DPP10: variants seen among roughly 807,000 people sequenced by gnomAD.
DPP10 encodes inactive dipeptidyl peptidase 10.
Under a neutral mutation model 120.9 loss-of-function variants are expected in DPP10, and 33 were observed. The observed-to-expected ratio is 0.27, with a 90% CI of 0.21 to 0.37. DPP10 has a LOEUF of 0.37. DPP10 is among the 10% of genes least tolerant of loss of function. The probability of loss-of-function intolerance (pLI) is 1.00; values close to 1 mark genes in which losing one functional copy is unlikely to be tolerated. For missense variants in DPP10, 816 were observed against 942.8 expected (o/e 0.87, Z 1.76); for synonymous variants, 337 against 326.1 (o/e 1.03, Z -0.36).
chr2:114,666,463 G>C (rs1220326716), intron 1 of DPP10, among the ~76,000 whole-genome samples: 1 of 152,094 alleles, frequency 6.6e-6, no homozygotes, highest in Non-Finnish European at 1.5e-5. Context: ...AAAACATGAA[G>C]ACCTAGACCT....
At chr2:114,986,734 A>C (rs141481726) in intron 1 of DPP10, among the ~76,000 whole-genome samples, 38 of 152,314 alleles carry the variant, frequency 2.5e-4, no homozygotes, top group Admixed American at 1.6e-3. Flanking sequence ...AAGGCTAACA[A>C]TGAATTTTAC....
At chr2:114,526,196 T>C (rs913014386) in intron 1 of DPP10, among the ~76,000 whole-genome samples, 9 of 152,214 alleles carry the variant, frequency 5.9e-5, no homozygotes, top group African/African-American at 2.2e-4. Context: ...GCTGACCTAA[T>C]GGGCTTGAAG....
At chr2:115,836,068 A>G (rs1689457693) in intron 21 of DPP10, 89 bp from the exon 22 acceptor site, 2 of 639,976 alleles carry the variant, frequency 3.1e-6, no homozygotes, top group Non-Finnish European at 4.6e-6. Context: ...GTCTCCAGGC[A>G]TAGTTGTTAT....
At chr2:115,295,173 G>A (rs2060830143) in intron 1 of DPP10, among the ~76,000 whole-genome samples, 1 of 151,968 alleles carries the variant, frequency 6.6e-6, no homozygotes, top group Admixed American at 6.6e-5. Flanking sequence ...AGACTAGGGG[G>A]AAGAAAAGGC....
At chr2:115,698,704 C>T (rs948700717) in intron 7 of DPP10, among the ~76,000 whole-genome samples, 1 of 152,106 alleles carries the variant, frequency 6.6e-6, no homozygotes, top group Admixed American at 6.5e-5. Context: ...AAAACTGAAA[C>T]ATGTTGGAAC....
rs565227385 is a variant in DPP10 at position 115,660,188 on chromosome 2, G to A, written c.442-29499G>A. 1.1e-4 allele frequency among the ~76,000 whole-genome samples: 16 copies of A among 152,198 alleles called. No individual in the cohort carries two copies. The South Asian group carries it at 2.1e-3, about 20-fold the overall frequency. ...ATGGAATGAGATGTCTGTTTATTAC[G>A]TTTACAGCCACATTACAGATCTATT... On this transcript the variant is annotated intron_variant, in intron 5 of 25. Coordinates refer to ENST00000410059, the MANE Select transcript of DPP10 (RefSeq NM_020868.6).
At chr2:114,464,770 C>T (rs369214173) in intron 1 of DPP10, among the ~76,000 whole-genome samples, 102 of 152,180 alleles carry the variant, frequency 6.7e-4, no homozygotes, top group South Asian at 4.4e-3. Flanking sequence ...GAGTCTGAGG[C>T]GGGAGAATCG....
chr2:114,623,469 C>T (rs1374250936), intron 1 of DPP10, among the ~76,000 whole-genome samples: 1 of 152,066 alleles, frequency 6.6e-6, no homozygotes, highest in Non-Finnish European at 1.5e-5. Flanking sequence ...TTGAGGTCAA[C>T]CAAGATGCAC....
intron 1 of DPP10, among the ~76,000 whole-genome samples, chr2:115,098,203 CTG>C (rs2048496074): frequency 2.6e-5 from 4 of 152,142 alleles, no homozygotes; most frequent in Admixed American, 1.3e-4. Flanking sequence ...AAGGCTCTGA[CTG>C]AGAGCTTTCA....
At chr2:114,951,118 T>G (rs4602236) in intron 1 of DPP10, among the ~76,000 whole-genome samples, 150,185 of 152,290 alleles carry the variant, frequency 0.99, 74,082 homozygotes, top group Non-Finnish European at 1. Context: ...GAGCTACTCA[T>G]CTGTGACCGA....
At chr2:114,531,043 A>G (rs1033088050) in intron 1 of DPP10, among the ~76,000 whole-genome samples, 2 of 152,174 alleles carry the variant, frequency 1.3e-5, no homozygotes, top group African/African-American at 4.8e-5. Flanking sequence ...ACAGACAAAG[A>G]TGGTCCACAG....
chr2:115,175,660 C>T (rs1437703817), intron 1 of DPP10, among the ~76,000 whole-genome samples: 2 of 152,088 alleles, frequency 1.3e-5, no homozygotes, highest in African/African-American at 4.8e-5. Context: ...CAGAAAAGAC[C>T]AGCGCTATTC....
intron 2 of DPP10, among the ~76,000 whole-genome samples, chr2:115,342,973 A>G (rs1574494382): frequency 6.6e-6 from 1 of 152,222 alleles, no homozygotes. Flanking sequence ...TGAGGTTAGT[A>G]TATATCCTTG....
At chr2:115,502,150 C>T (rs2076716025) in intron 4 of DPP10, among the ~76,000 whole-genome samples, 1 of 151,984 alleles carries the variant, frequency 6.6e-6, no homozygotes, top group Non-Finnish European at 1.5e-5. Flanking sequence ...TCTTGTTTGA[C>T]ATCTTATCAC....
chr2:114,486,170 G>A (rs1212218010), intron 1 of DPP10, among the ~76,000 whole-genome samples: 3 of 123,416 alleles, frequency 2.4e-5, no homozygotes, highest in Admixed American at 2.4e-4. Context: ...GTGTAGATCA[G>A]ACTGACTAGG....
chr2:115,618,541 A>G (rs1272215450), intron 5 of DPP10, among the ~76,000 whole-genome samples: 3 of 152,166 alleles, frequency 2.0e-5, no homozygotes, highest in African/African-American at 7.2e-5. Flanking sequence ...GCTTCCGAAA[A>G]TATTTCTGTC....
At chr2:114,936,436 C>T (rs536140321) in intron 1 of DPP10, among the ~76,000 whole-genome samples, 9 of 151,196 alleles carry the variant, frequency 6.0e-5, no homozygotes, top group African/African-American at 1.9e-4. Flanking sequence ...TATATATACA[C>T]ATATATACGC....
chr2:115,478,382 C>G (rs1446356848), intron 3 of DPP10, among the ~76,000 whole-genome samples: 2 of 152,112 alleles, frequency 1.3e-5, no homozygotes, highest in Admixed American at 1.3e-4. Flanking sequence ...GGATTGTTAA[C>G]TAAAATGATG....
chr2:115,761,454 A>C (rs546392925), intron 11 of DPP10, among the ~76,000 whole-genome samples: 2 of 152,238 alleles, frequency 1.3e-5, no homozygotes, highest in African/African-American at 4.8e-5. Context: ...CTACGTATGG[A>C]GATAAAAAGA....
Sources: allele counts gnomAD v4.1 joint callset (sites outside exome capture counted in the v4.1 genomes callset), GRCh38; gene constraint gnomAD v4.1.1; transcripts MANE v1.5; gene names NCBI Gene and HGNC (gene_info 2026-07-23, HGNC 2026-07-21).